The following ERC1 variants were observed in gnomAD, a reference collection of about 807,000 sequenced individuals.
ERC1 encodes the protein RAB6 interacting protein 2.
Under a neutral mutation model 132.0 loss-of-function variants are expected in ERC1, and 56 were observed. The observed-to-expected ratio is 0.42, with a 90% CI of 0.34 to 0.53. The LOEUF is 0.53. ERC1 is among the 20% of genes least tolerant of loss of function. The pLI, the probability that ERC1 is intolerant of heterozygous loss-of-function variation, is 0.03. For missense variants in ERC1, 1,202 were observed against 1,349.9 expected (o/e 0.89, Z 1.72); for synonymous variants, 478 against 476.1 (o/e 1.00, Z -0.05).
intron 8 of ERC1, among the ~76,000 whole-genome samples, chr12:1,164,231 T>TTTTTTATTTTATTTTA (rs1555279602): frequency 2.2e-5 from 3 of 136,010 alleles, no homozygotes; most frequent in African/African-American, 8.5e-5. Context: ...GAACCTGCCC[T>TTTTTTATTTTATTTTA]TTTTATTTTA....
chr12:1,485,308 A>ACC (rs2094193293), intron 18 of ERC1, among the ~76,000 whole-genome samples: 4 of 147,456 alleles, frequency 2.7e-5, no homozygotes, highest in African/African-American at 1.0e-4. Context: ...GGATTCAAGC[A>ACC]ATTCTTCTGC....
At chr12:1,293,075 C>T (rs1437379366) in intron 15 of ERC1, among the ~76,000 whole-genome samples, 10 of 149,812 alleles carry the variant, frequency 6.7e-5, no homozygotes, top group Admixed American at 3.3e-4. Context: ...ACCTGGAAGG[C>T]GGAGGTTGCA....
Position 1,028,187 on chromosome 12 carries a change from G to A in ERC1, c.284G>A (p.Gly95Glu), listed in dbSNP as rs1191837552. Residue 95 changes from glycine to glutamate, a missense_variant, in exon 2 of 19, where the codon GGG becomes GAG. Physicochemically the swap from Gly to Glu is moderately conservative, Grantham distance 98. Transcript: ENST00000360905. ...AGCACCATGACACTTGGCCGTTCTG[G>A]GGGACGTCTGCCTTACGGTGTTCGG... ...PKSTMTLGRS[G>E]GRLPYGVRMT... 2 of 1,614,174 alleles carry A rather than the reference G, an allele frequency of 1.2e-6. No individual in the cohort carries two copies. The highest frequency in any genetic ancestry group is 4.5e-5 in the East Asian group (2 of 44,890).
intron 7 of ERC1, among the ~76,000 whole-genome samples, chr12:1,128,860 T>C (rs1048969449): frequency 2.0e-5 from 3 of 152,164 alleles, no homozygotes; most frequent in Non-Finnish European, 4.4e-5. Context: ...AGTATATTAG[T>C]GTAGTTGCAG....
chr12:1,403,587 G>T (rs953007143), intron 16 of ERC1, among the ~76,000 whole-genome samples: 1 of 152,034 alleles, frequency 6.6e-6, no homozygotes, highest in Non-Finnish European at 1.5e-5. Context: ...TGGAAATGGA[G>T]AAGTAAGTTC....
intron 2 of ERC1, among the ~76,000 whole-genome samples, chr12:1,053,196 CT>C (rs1390215129): frequency 1.3e-5 from 2 of 152,102 alleles, no homozygotes; most frequent in African/African-American, 4.8e-5. Context: ...CTTGTTTCCC[CT>C]ATGCTTGATA....
chr12:1,288,271 T>C (rs2079171305), intron 14 of ERC1, among the ~76,000 whole-genome samples: 1 of 152,248 alleles, frequency 6.6e-6, no homozygotes, highest in Non-Finnish European at 1.5e-5. Context: ...CAATATATTC[T>C]CTTTTTTGTT....
chr12:1,042,053 A>G (rs968913161), intron 2 of ERC1, among the ~76,000 whole-genome samples: 1 of 151,952 alleles, frequency 6.6e-6, no homozygotes, highest in South Asian at 2.1e-4. Flanking sequence ...CTGGCCTACC[A>G]GTACTAGAGT....
intron 15 of ERC1, among the ~76,000 whole-genome samples, chr12:1,293,418 A>G (rs1413145553): frequency 1.6e-5 from 2 of 125,050 alleles, no homozygotes; most frequent in Non-Finnish European, 3.6e-5. Context: ...GTGCCACTGC[A>G]CTCCAGCCTG....
At chr12:1,273,471 C>T (rs1429782912) in intron 14 of ERC1, among the ~76,000 whole-genome samples, 2 of 152,146 alleles carry the variant, frequency 1.3e-5, no homozygotes, top group Non-Finnish European at 2.9e-5. Flanking sequence ...TTCACAAGTG[C>T]TTATTGGCTT....
At chr12:1,413,793 A>G (rs1294857495) in intron 17 of ERC1, among the ~76,000 whole-genome samples, 6 of 152,310 alleles carry the variant, frequency 3.9e-5, no homozygotes, top group Non-Finnish European at 5.9e-5. Flanking sequence ...ACTGGGTCCA[A>G]TAGCCATGAA....
At chr12:1,422,905 GGT>G in intron 17 of ERC1, among the ~76,000 whole-genome samples, 1 of 152,178 alleles carries the variant, frequency 6.6e-6, no homozygotes, top group South Asian at 2.1e-4. Context: ...GATTTTGATT[GGT>G]GTGTGATGGT....
chr12:1,317,687 A>G (rs1390173026), intron 15 of ERC1, among the ~76,000 whole-genome samples: 3 of 152,226 alleles, frequency 2.0e-5, no homozygotes, highest in Non-Finnish European at 2.9e-5. Flanking sequence ...GACTAGCCCC[A>G]CTTTCACACA....
At chr12:1,440,371 ATTT>A (rs374749122) in intron 17 of ERC1, among the ~76,000 whole-genome samples, 2 of 148,210 alleles carry the variant, frequency 1.3e-5, no homozygotes, top group East Asian at 2.0e-4. Context: ...CGCCCGGCTA[ATTT>A]TTTTTGTATT....
At chr12:1,284,828 T>C (rs2078938327) in intron 14 of ERC1, among the ~76,000 whole-genome samples, 2 of 152,176 alleles carry the variant, frequency 1.3e-5, no homozygotes, top group South Asian at 4.1e-4. Flanking sequence ...TGGCTAATTT[T>C]TTGTAGAGAT....
intron 18 of ERC1, among the ~76,000 whole-genome samples, chr12:1,467,625 G>T (rs975051311): frequency 5.9e-5 from 9 of 152,104 alleles, no homozygotes; most frequent in African/African-American, 2.2e-4. Context: ...GGGAAGGGAT[G>T]GTTTCAGGAT....
At chr12:1,406,548 T>C (rs12296926) in intron 16 of ERC1, among the ~76,000 whole-genome samples, 1,917 of 152,270 alleles carry the variant, frequency 0.013, 49 homozygotes, top group African/African-American at 0.044. Flanking sequence ...GGGGACTAAA[T>C]GGATACACCT....
intron 18 of ERC1, among the ~76,000 whole-genome samples, chr12:1,472,260 A>G (rs1302349199): frequency 6.6e-6 from 1 of 152,236 alleles, no homozygotes; most frequent in African/African-American, 2.4e-5. Context: ...CAGAGTTTTC[A>G]GTGCCATAGC....
intron 15 of ERC1, among the ~76,000 whole-genome samples, chr12:1,358,893 T>C (rs1381922296): frequency 6.6e-6 from 1 of 152,240 alleles, no homozygotes; most frequent in Non-Finnish European, 1.5e-5. Flanking sequence ...CTAAATCATT[T>C]AGAATTTCCA....
Sources: gnomAD v4.1 joint callset for allele counts (sites outside exome capture counted in the v4.1 genomes callset) on GRCh38, gnomAD v4.1.1 for gene constraint, MANE v1.5 for transcripts, NCBI Gene and HGNC (gene_info 2026-07-23, HGNC 2026-07-21) for gene names.